SNTA1: variants seen among roughly 807,000 people sequenced by gnomAD.
SNTA1 encodes the protein syntrophin alpha 1, also known as alpha-1-syntrophin.
SNTA1 carries 31 observed loss-of-function variants against 47.1 expected under a neutral mutation model. The ratio of observed to expected loss-of-function variants is 0.66; its 90% CI spans 0.49 to 0.89. SNTA1 has a LOEUF of 0.89. SNTA1 is among the 40% of genes least tolerant of loss of function. The pLI, the probability that SNTA1 is intolerant of heterozygous loss-of-function variation, is 0.00. For synonymous variants in SNTA1, 300 were observed against 313.6 expected, an observed-to-expected ratio of 0.96 and a Z score of 0.46; for missense variants, 575 against 693.0, an observed-to-expected ratio of 0.83 and a Z score of 1.91.
intron 2 of SNTA1, among the ~76,000 whole-genome samples, chr20:33,423,223 C>T (rs1912356659): frequency 6.6e-6 from 1 of 152,186 alleles, no homozygotes; most frequent in African/African-American, 2.4e-5. Flanking sequence ...CCAGCTGATG[C>T]CAGAATCAGG....
Position 33,408,274 on chromosome 20 carries a change from T to G in SNTA1, c.*233A>C. ...CAAAATATCTCTCTGCAAAAGGCAC[T>G]GGTGGAGGGGGGCAGCAGGAAGGCC... is the stretch of plus-strand genomic sequence containing the variant. On this transcript the variant is annotated 3_prime_UTR_variant, in exon 8 of 8. Transcript: ENST00000217381. 1.7e-6 allele frequency: 1 copy of G among 580,312 alleles called. No individual in the cohort carries two copies. The highest frequency in any genetic ancestry group is 1.9e-5 in the South Asian group (1 of 52,068). 35.9% of individuals were successfully genotyped at this position (580,312 alleles called of 1,614,324 possible). A position where few individuals can be genotyped will look rare whatever the true frequency, so the allele number is the denominator to read the frequency against.
At chr20:33,433,289 G>A (rs1413960265) in intron 2 of SNTA1, among the ~76,000 whole-genome samples, 1 of 145,234 alleles carries the variant, frequency 6.9e-6, no homozygotes, top group African/African-American at 2.6e-5. Context: ...TTGAGATGGA[G>A]TTTTGCTCTT....
At chr20:33,438,240 C>T (rs1006404716) in intron 2 of SNTA1, among the ~76,000 whole-genome samples, 3 of 151,978 alleles carry the variant, frequency 2.0e-5, no homozygotes, top group South Asian at 2.1e-4. Context: ...GCAGAGGTTG[C>T]GATGAACCAA....
intron 2 of SNTA1, among the ~76,000 whole-genome samples, chr20:33,429,334 T>TAAA (rs35077145): frequency 0.015 from 383 of 25,118 alleles, 21 homozygotes; most frequent in Admixed American, 0.13. Flanking sequence ...AGACTCCACC[T>TAAA]AAAAAAAAAA....
intron 2 of SNTA1, among the ~76,000 whole-genome samples, chr20:33,428,476 T>C (rs1255221649): frequency 1.3e-5 from 2 of 152,040 alleles, no homozygotes; most frequent in Admixed American, 1.3e-4. Context: ...TCTCAACTTA[T>C]TACGTGATAA....
intron 3 of SNTA1, among the ~76,000 whole-genome samples, chr20:33,415,119 T>C (rs1012214735): frequency 1.0e-5 from 1 of 95,852 alleles, no homozygotes; most frequent in Non-Finnish European, 2.8e-5. Flanking sequence ...AAAACACACA[T>C]GCACACACAT....
intron 2 of SNTA1, among the ~76,000 whole-genome samples, chr20:33,435,987 G>A (rs746579319): frequency 6.6e-6 from 1 of 152,176 alleles, no homozygotes; most frequent in Non-Finnish European, 1.5e-5. Context: ...AAGGTCAGGA[G>A]ATCGAGACCA....
intron 5 of SNTA1, among the ~76,000 whole-genome samples, chr20:33,411,645 C>T (rs1307920664): frequency 6.6e-6 from 1 of 152,232 alleles, no homozygotes; most frequent in Non-Finnish European, 1.5e-5. Flanking sequence ...CCCTTCAACA[C>T]TACCAAACTC....
At chr20:33,413,621 CA>C (rs1387962645) in intron 3 of SNTA1, among the ~76,000 whole-genome samples, 1 of 143,910 alleles carries the variant, frequency 6.9e-6, no homozygotes, top group Non-Finnish European at 1.5e-5. Context: ...CTAATAAGAG[CA>C]GGGGAAAAAA....
chr20:33,408,655 T>A (rs767725171), intron 7 of SNTA1, 46 bp downstream of exon 7: 1 of 1,608,688 alleles, frequency 6.2e-7, no homozygotes, highest in South Asian at 1.1e-5. Context: ...CCTCCGAGAG[T>A]GCACACCCCC....
chr20:33,431,781 G>A (rs976906263), intron 2 of SNTA1, among the ~76,000 whole-genome samples: 13 of 152,120 alleles, frequency 8.5e-5, no homozygotes, highest in African/African-American at 3.1e-4. Context: ...AAGGGACTTA[G>A]CACAGTAGGT....
intron 2 of SNTA1, among the ~76,000 whole-genome samples, chr20:33,426,223 C>A (rs1338943584): frequency 6.6e-6 from 1 of 151,524 alleles, no homozygotes; most frequent in Non-Finnish European, 1.5e-5. Flanking sequence ...CTGAGGTGGG[C>A]AGATCACCTG....
rs1600845540 is a variant in SNTA1, at chr20:33,418,587, GT to G, written c.497-665del. 2.0e-5 allele frequency among the ~76,000 whole-genome samples: 3 copies of G among 148,118 alleles called. No individual in the cohort carries two copies. In the East Asian group the frequency reaches 6.2e-4, roughly 30 times the overall value. ...GCGGGCAGATCATTTGAGGTCAAAA[GT>G]TTGAAACCAGCCTGACCAACATGGT... On this transcript the variant is annotated intron_variant, in intron 2 of 7. Coordinates refer to ENST00000217381, the MANE Select transcript of SNTA1 (RefSeq NM_003098.3).
chr20:33,424,988 C>T (rs182790257), intron 2 of SNTA1, among the ~76,000 whole-genome samples: 16 of 152,010 alleles, frequency 1.1e-4, no homozygotes, highest in African/African-American at 3.6e-4. Context: ...TGGTGGCACA[C>T]GCCTGTAGTC....
intron 2 of SNTA1, among the ~76,000 whole-genome samples, chr20:33,438,256 T>G (rs1047607926): frequency 6.6e-6 from 1 of 152,050 alleles, no homozygotes; most frequent in Admixed American, 6.6e-5. Context: ...ACCAAGATCA[T>G]GCCACTGTAT....
At chr20:33,417,658 G>C in intron 3 of SNTA1, 61 bp downstream of exon 3, 2 of 1,202,960 alleles carry the variant, frequency 1.7e-6, no homozygotes, top group Non-Finnish European at 2.5e-6. Flanking sequence ...TCTTTCCATT[G>C]GTCCCACCAC....
intron 1 of SNTA1, among the ~76,000 whole-genome samples, chr20:33,441,660 G>C (rs1990581711): frequency 6.6e-6 from 1 of 152,088 alleles, no homozygotes; most frequent in Non-Finnish European, 1.5e-5. Flanking sequence ...ATGGCAACAG[G>C]AGCCCAGATT....
At chr20:33,430,747 G>C (rs147131997) in intron 2 of SNTA1, among the ~76,000 whole-genome samples, 1 of 151,528 alleles carries the variant, frequency 6.6e-6, no homozygotes, top group Non-Finnish European at 1.5e-5. Context: ...TCAGGAATTC[G>C]AGACCAGCCT....
chr20:33,434,277 C>G (rs1600859727), intron 2 of SNTA1, among the ~76,000 whole-genome samples: 1 of 152,248 alleles, frequency 6.6e-6, no homozygotes, highest in South Asian at 2.1e-4. Flanking sequence ...TCCTTCAGAC[C>G]TCTCTGATCA....
Sources: gnomAD v4.1 joint callset for allele counts (sites outside exome capture counted in the v4.1 genomes callset) on GRCh38, gnomAD v4.1.1 for gene constraint, MANE v1.5 for transcripts, NCBI Gene and HGNC (gene_info 2026-07-23, HGNC 2026-07-21) for gene names.